GREB1L: variants seen among roughly 807,000 people sequenced by gnomAD.
GREB1L encodes GREB1 like retinoic acid receptor coactivator, also known as GREB1-like protein.
Under a neutral mutation model 200.8 loss-of-function variants are expected in GREB1L, and 17 were observed. The observed-to-expected ratio is 0.08, with a 90% CI of 0.06 to 0.13. GREB1L has a LOEUF of 0.13. Among genes scored for constraint, GREB1L ranks in the 10% least tolerant of loss-of-function variants. The pLI, the probability that GREB1L is intolerant of heterozygous loss-of-function variation, is 1.00. For synonymous variants in GREB1L, 789 were observed against 893.0 expected, an observed-to-expected ratio of 0.88 and a Z score of 2.08; for missense variants, 1,657 against 2,367.7, an observed-to-expected ratio of 0.70 and a Z score of 6.23.
At chr18:21,434,440 C>T (rs1742136134) in intron 7 of GREB1L, among the ~76,000 whole-genome samples, 1 of 151,552 alleles carries the variant, frequency 6.6e-6, no homozygotes, top group Admixed American at 6.6e-5. Flanking sequence ...CACACCACTG[C>T]ACTCCAGCCT....
intron 5 of GREB1L, among the ~76,000 whole-genome samples, chr18:21,399,489 A>ATGGGTGGG (rs2041225975): frequency 2.0e-5 from 3 of 151,614 alleles, no homozygotes; most frequent in Admixed American, 6.6e-5. Flanking sequence ...GGATGGATGG[A>ATGGGTGGG]TGGATAGATG....
At chr18:21,433,511 G>A (rs1029382727) in intron 7 of GREB1L, among the ~76,000 whole-genome samples, 11 of 152,182 alleles carry the variant, frequency 7.2e-5, no homozygotes, top group African/African-American at 2.7e-4. Flanking sequence ...GTAAGGCTCT[G>A]TTAAGACATG....
At chr18:21,460,895 G>A (rs184899204) in intron 15 of GREB1L, among the ~76,000 whole-genome samples, 266 of 150,692 alleles carry the variant, frequency 1.8e-3, no homozygotes, top group African/African-American at 5.9e-3. Flanking sequence ...TCAGGAGTTC[G>A]AGACCAGCCG....
rs557369343 is a variant in GREB1L, at chr18:21,283,214, G to A, written c.-120+40821G>A. On this transcript the variant is annotated intron_variant, in intron 1 of 32. Transcript: ENST00000424526. The stretch of plus-strand genomic sequence containing the variant: ...TGCATAGGGAACCTATCAGTTATTT[G>A]TTGGTAATACCTGTTAAATTGTTCT... Among the ~76,000 whole-genome samples, 5 of 152,166 alleles carry A rather than the reference G, an allele frequency of 3.3e-5. No homozygotes were observed. In the South Asian group the frequency reaches 1.0e-3, roughly 32 times the overall value.
At chr18:21,405,575 C>G (rs2030098911) in intron 7 of GREB1L, among the ~76,000 whole-genome samples, 1 of 152,082 alleles carries the variant, frequency 6.6e-6, no homozygotes, top group African/African-American at 2.4e-5. Context: ...CTGGGGTGAG[C>G]AGATCACTTG....
At chr18:21,477,659 G>A (rs1202515067) in intron 17 of GREB1L, among the ~76,000 whole-genome samples, 2 of 152,030 alleles carry the variant, frequency 1.3e-5, no homozygotes, top group East Asian at 3.9e-4. Flanking sequence ...GCTGGCACAC[G>A]CCTGTAATCC....
At chr18:21,252,729 G>A (rs1032870743) in intron 1 of GREB1L, among the ~76,000 whole-genome samples, 14 of 148,482 alleles carry the variant, frequency 9.4e-5, no homozygotes, top group South Asian at 6.5e-4. Flanking sequence ...TTAGCTGGGC[G>A]TCATGGCGGG....
At chr18:21,278,766 ATATG>A (rs1414797444) in intron 1 of GREB1L, among the ~76,000 whole-genome samples, 2 of 152,180 alleles carry the variant, frequency 1.3e-5, no homozygotes, top group African/African-American at 4.8e-5. Flanking sequence ...TAAGGAAAAG[ATATG>A]TATGCCAAAC....
chr18:21,382,034 A>C (rs529910024), intron 2 of GREB1L, among the ~76,000 whole-genome samples: 16 of 152,166 alleles, frequency 1.1e-4, no homozygotes, highest in Non-Finnish European at 1.9e-4. Context: ...ACAAAAAAAA[A>C]TTTTGTTTAA....
chr18:21,436,757 C>T (rs2033571930), intron 7 of GREB1L, among the ~76,000 whole-genome samples: 1 of 150,836 alleles, frequency 6.6e-6, no homozygotes, highest in Non-Finnish European at 1.5e-5. Flanking sequence ...GTCACCCAGG[C>T]TGGAGTACAC....
intron 2 of GREB1L, among the ~76,000 whole-genome samples, chr18:21,366,886 G>A (rs1216565811): frequency 6.6e-6 from 1 of 152,080 alleles, no homozygotes; most frequent in Non-Finnish European, 1.5e-5. Flanking sequence ...GTTCCTTCAT[G>A]GTGACCACGC....
intron 31 of GREB1L, 96 bp downstream of exon 31, chr18:21,518,330 T>G (rs1298171119): frequency 1.8e-6 from 2 of 1,141,998 alleles, no homozygotes; most frequent in Non-Finnish European, 2.5e-6. Context: ...ACATGAAATA[T>G]CAATCAAGAT....
intron 1 of GREB1L, among the ~76,000 whole-genome samples, chr18:21,318,127 A>C (rs1380181481): frequency 1.4e-5 from 2 of 141,716 alleles, no homozygotes; most frequent in Non-Finnish European, 3.1e-5. Context: ...AAAAAAAAAC[A>C]AAGAGAGAAA....
At chr18:21,453,372 C>T (rs147865640) in intron 14 of GREB1L, among the ~76,000 whole-genome samples, 53 of 152,270 alleles carry the variant, frequency 3.5e-4, no homozygotes, top group African/African-American at 1.1e-3. Flanking sequence ...GATATGTTGA[C>T]GGCTGTCTTT....
intron 1 of GREB1L, among the ~76,000 whole-genome samples, chr18:21,347,762 CTT>C (rs761498957): frequency 1.8e-4 from 20 of 114,226 alleles, no homozygotes; most frequent in East Asian, 2.5e-4. Context: ...GCCCCCCGAC[CTT>C]TTTTTTTTTT....
intron 14 of GREB1L, among the ~76,000 whole-genome samples, chr18:21,453,593 C>A (rs536826961): frequency 6.6e-6 from 1 of 152,266 alleles, no homozygotes; most frequent in African/African-American, 2.4e-5. Flanking sequence ...CTTGATTATA[C>A]TTGCAATAAA....
rs58956525 is a variant in GREB1L at position 21,451,478 on chromosome 18, CTTTTTTTTTTTTT to C, written c.1849+345_1849+357del. On this transcript the variant is annotated intron_variant, in intron 13 of 32. Coordinates refer to ENST00000424526, the MANE Select transcript of GREB1L (RefSeq NM_001142966.3). The stretch of plus-strand genomic sequence containing the variant: ...CCTCCCTTCCTTCTTTCCTTCCTTC[CTTTTTTTTTTTTT>C]TTTTTTTTTTTTTTTTTACAGTGTT... 1.2e-3 allele frequency: 93 copies of C among 77,534 alleles called. 1 individual carries two copies. The highest frequency in any genetic ancestry group is 7.4e-3 in the South Asian group (24 of 3,260). The allele number at this position is 77,534 out of a possible 1,614,324, so 4.8% of individuals were successfully genotyped here.
intron 17 of GREB1L, among the ~76,000 whole-genome samples, chr18:21,478,834 A>T (rs2035809217): frequency 6.6e-6 from 1 of 152,210 alleles, no homozygotes. Flanking sequence ...GGTTGCTCTG[A>T]CAAAGAATGG....
intron 15 of GREB1L, among the ~76,000 whole-genome samples, chr18:21,467,449 T>C (rs1318884635): frequency 6.6e-6 from 1 of 152,214 alleles, no homozygotes; most frequent in Non-Finnish European, 1.5e-5. Flanking sequence ...AATAGGCATC[T>C]GTCCAAAGGA....
Sources: allele counts gnomAD v4.1 joint callset (sites outside exome capture counted in the v4.1 genomes callset), GRCh38; gene constraint gnomAD v4.1.1; transcripts MANE v1.5; gene names NCBI Gene and HGNC (gene_info 2026-07-23, HGNC 2026-07-21).